Variants in NPAS2 observed in about 807,000 individuals in gnomAD.
NPAS2 encodes the protein neuronal PAS domain protein 2, also known as neuronal PAS domain-containing protein 2.
A neutral mutation model predicts 107.5 loss-of-function variants in NPAS2; 23 were observed. The observed-to-expected ratio is 0.21, with a 90% CI of 0.15 to 0.30. The LOEUF (loss-of-function observed/expected upper bound fraction) is 0.30, where lower values mean the gene tolerates loss of function less well. Ranked by LOEUF, NPAS2 falls within the 10% of genes least tolerant of loss-of-function variation. NPAS2 has a pLI of 1.00. For missense variants in NPAS2, 756 were observed against 1,043.3 expected (o/e 0.72, Z 3.79); for synonymous variants, 403 against 417.5 (o/e 0.97, Z 0.42).
chr2:100,819,865 C>T (rs1038579120), upstream of NPAS2, among the ~76,000 whole-genome samples: 1 of 152,098 alleles, frequency 6.6e-6, no homozygotes, highest in African/African-American at 2.4e-5. This position sits in a 1 kb window ranked among gnomAD's most constrained non-coding sequence, Gnocchi z 5.8. Flanking sequence ...GCGTCCCTGG[C>T]AGCCCAGCAG....
At chr2:100,920,348 G>C (rs192050229) in intron 2 of NPAS2, among the ~76,000 whole-genome samples, 1 of 152,088 alleles carries the variant, frequency 6.6e-6, no homozygotes, top group Non-Finnish European at 1.5e-5. Context: ...ATGGTAATTA[G>C]CTTAATTTAA....
intron 1 of NPAS2, among the ~76,000 whole-genome samples, chr2:100,869,639 T>A (rs1679443823): frequency 6.6e-6 from 1 of 152,182 alleles, no homozygotes; most frequent in Non-Finnish European, 1.5e-5. Context: ...TCCTGTCCCT[T>A]CCGTGTGGGC....
At chr2:100,900,169 AC>A (rs1681679049) in intron 1 of NPAS2, among the ~76,000 whole-genome samples, 2 of 152,376 alleles carry the variant, frequency 1.3e-5, no homozygotes, top group South Asian at 4.1e-4. Context: ...CCACCCACAG[AC>A]TGGGAGAAAA....
intron 7 of NPAS2, among the ~76,000 whole-genome samples, chr2:100,952,962 A>G (rs1051526046): frequency 7.2e-5 from 11 of 151,876 alleles, no homozygotes; most frequent in African/African-American, 2.7e-4. Flanking sequence ...TCTACAAACC[A>G]GCATTGAAGA....
At chr2:100,853,858 C>T (rs1190909356) in intron 1 of NPAS2, among the ~76,000 whole-genome samples, 2 of 151,712 alleles carry the variant, frequency 1.3e-5, no homozygotes, top group African/African-American at 4.8e-5. Flanking sequence ...AGGGAACAAG[C>T]GCTGTGCAGC....
intron 1 of NPAS2, among the ~76,000 whole-genome samples, chr2:100,887,491 C>T (rs6542998): frequency 9.2e-4 from 140 of 152,280 alleles, no homozygotes; most frequent in African/African-American, 3.2e-3. Context: ...GTCATGCAGG[C>T]GAGCTGGGAG....
At chr2:100,930,610 C>T (rs1222018218) in intron 3 of NPAS2, among the ~76,000 whole-genome samples, 3 of 136,160 alleles carry the variant, frequency 2.2e-5, no homozygotes, top group South Asian at 2.7e-4. Context: ...TTCGAGACAT[C>T]GTATCTAACA....
chr2:100,881,275 A>C (rs1680317374), intron 1 of NPAS2, among the ~76,000 whole-genome samples: 1 of 152,198 alleles, frequency 6.6e-6, no homozygotes, highest in Non-Finnish European at 1.5e-5. Flanking sequence ...TACCCACAGC[A>C]TCCGCCTCAC....
chr2:100,836,257 A>T lies in NPAS2; in HGVS notation c.-23+15843A>T, dbSNP rs147414018. 2.7e-3 allele frequency among the ~76,000 whole-genome samples: 410 copies of T among 152,274 alleles called. 2 individuals are homozygous for T. The highest frequency in any genetic ancestry group is 9.5e-3 in the African/African-American group (396 of 41,546). The stretch of plus-strand genomic sequence containing the variant: ...ACACACACAAAATCAAATTTGCCCT[A>T]GCGACCTCACTTCGATGTGTACCAC... On this transcript the variant is annotated intron_variant, in intron 1 of 20. Coordinates refer to ENST00000335681, the MANE Select transcript of NPAS2 (RefSeq NM_002518.4).
chr2:100,916,710 C>T (rs971685594), intron 2 of NPAS2, among the ~76,000 whole-genome samples: 5 of 152,110 alleles, frequency 3.3e-5, no homozygotes, highest in Admixed American at 6.5e-5. Context: ...ATGCCATCAA[C>T]CAACAGAATC....
chr2:100,826,196 C>T (rs1676363393), intron 1 of NPAS2, among the ~76,000 whole-genome samples: 1 of 152,210 alleles, frequency 6.6e-6, no homozygotes, highest in African/African-American at 2.4e-5. Context: ...GTAATCCCAG[C>T]ACTTTGGGAG....
rs778291961 is a variant in NPAS2 at position 100,988,233 on chromosome 2, C to T, written c.1784C>T (p.Thr595Ile). The change falls in exon 17 of 21, where the codon ACA (threonine) becomes ATA (isoleucine). Residue 595 changes from threonine (T) to isoleucine (I), a missense_variant. Thr to Ile is a moderately conservative substitution (Grantham distance 89). Transcript: ENST00000335681. ...LPGQISSAQVTSQHLLRESSV... is the reference protein window; with the variant it reads ...LPGQISSAQVISQHLLRESSV... Reference sequence around the variant, plus strand: ...GGGCAGATCTCCTCTGCCCAGGTCACAAGCCAGCACCTGCTCAGAGAATCA... The same window carrying T: ...GGGCAGATCTCCTCTGCCCAGGTCATAAGCCAGCACCTGCTCAGAGAATCA... 3.5e-5 allele frequency: 56 copies of T among 1,613,960 alleles called. No homozygotes were observed. The highest frequency in any genetic ancestry group is 4.6e-5 in the Non-Finnish European group (54 of 1,180,050).
Position 100,965,752 on chromosome 2 carries a change from G to A in NPAS2, c.893G>A (p.Arg298Lys). 6.2e-7 allele frequency: 1 copy of A among 1,612,924 alleles called. No homozygotes were observed. Among genetic ancestry groups the A allele is most frequent in the Non-Finnish European group, 8.5e-7 (1 of 1,178,960 alleles). ...YHIDDLELLA[R>K]CHQHLMQFGK... ...ATTGATGACCTGGAGCTCCTGGCCAGGTGTCACCAGCACCGTGAGTACCAC... is the reference window on the plus strand; with the variant it reads ...ATTGATGACCTGGAGCTCCTGGCCAAGTGTCACCAGCACCGTGAGTACCAC... Residue 298 changes from arginine to lysine, a missense_variant, in exon 10 of 21, where the codon AGG becomes AAG. Physicochemically the swap from Arg to Lys is conservative, Grantham distance 26. Coordinates refer to ENST00000335681, the MANE Select transcript of NPAS2 (RefSeq NM_002518.4). This position sits in a 1 kb window ranked among gnomAD's most constrained non-coding sequence, Gnocchi z 4.3.
intron 1 of NPAS2, among the ~76,000 whole-genome samples, chr2:100,884,195 T>C (rs1316299591): frequency 6.6e-6 from 1 of 152,146 alleles, no homozygotes; most frequent in Non-Finnish European, 1.5e-5. Context: ...CCTATATTTG[T>C]CAGTATTTTA....
intron 7 of NPAS2, among the ~76,000 whole-genome samples, chr2:100,951,908 G>A (rs540483395): frequency 6.6e-6 from 1 of 152,256 alleles, no homozygotes; most frequent in East Asian, 1.9e-4. Flanking sequence ...CCAGCACTTT[G>A]GGAGGCCGAG....
At chr2:100,860,877 T>C (rs1156575123) in intron 1 of NPAS2, among the ~76,000 whole-genome samples, 1 of 151,898 alleles carries the variant, frequency 6.6e-6, no homozygotes, top group Non-Finnish European at 1.5e-5. Context: ...TTGTTTGTTG[T>C]TGTTGTTTGT....
chr2:100,921,179 C>T (rs1451824605), intron 2 of NPAS2, among the ~76,000 whole-genome samples: 1 of 152,192 alleles, frequency 6.6e-6, no homozygotes, highest in Non-Finnish European at 1.5e-5. Flanking sequence ...GGCCTCACAG[C>T]GTGGGCACTG....
chr2:100,854,061 G>A (rs529602740), intron 1 of NPAS2, among the ~76,000 whole-genome samples: 2 of 146,870 alleles, frequency 1.4e-5, no homozygotes, highest in South Asian at 4.3e-4. Flanking sequence ...GAGGTTGGGA[G>A]ATCAGTTGAG....
chr2:100,894,286 C>T (rs1681264203), intron 1 of NPAS2, among the ~76,000 whole-genome samples: 1 of 152,192 alleles, frequency 6.6e-6, no homozygotes, highest in South Asian at 2.1e-4. Flanking sequence ...AAGGAAAACC[C>T]CAGTCATTTC....
Sources: allele counts gnomAD v4.1 joint callset (sites outside exome capture counted in the v4.1 genomes callset), GRCh38; gene constraint gnomAD v4.1.1; non-coding constraint Gnocchi (gnomAD v3.1); transcripts MANE v1.5; gene names NCBI Gene and HGNC (gene_info 2026-07-23, HGNC 2026-07-21).